Variants in KIAA0930 observed in about 807,000 individuals in gnomAD.
KIAA0930 encodes the protein KIAA0930.
Under a neutral mutation model 43.9 loss-of-function variants are expected in KIAA0930, and 24 were observed. The ratio of observed to expected loss-of-function variants is 0.55; its 90% CI spans 0.40 to 0.77. KIAA0930 has a LOEUF of 0.77. KIAA0930 is among the 30% of genes least tolerant of loss of function. The probability of loss-of-function intolerance (pLI) is 0.00; values close to 1 mark genes in which losing one functional copy is unlikely to be tolerated. For missense variants in KIAA0930, 461 were observed against 574.2 expected (o/e 0.80, Z 2.02); for synonymous variants, 259 against 216.4 (o/e 1.20, Z -1.73).
At chr22:45,205,352 C>A (rs1468695257) in intron 4 of KIAA0930, 34 bp from the exon 5 acceptor site, 3 of 1,570,010 alleles carry the variant, frequency 1.9e-6, no homozygotes, top group East Asian at 2.2e-5. Context: ...ACAAGTGAGG[C>A]CCCACCCGGC....
At chr22:45,210,732 C>A (rs2147747512) in intron 2 of KIAA0930, among the ~76,000 whole-genome samples, 1 of 68,476 alleles carries the variant, frequency 1.5e-5, no homozygotes, top group South Asian at 7.1e-4. Context: ...GCCTCCTCTT[C>A]ATCCCTCCCA....
chr22:45,199,973 T>C lies in KIAA0930; in HGVS notation c.915A>G (p.Pro305=). ...ERNNRPAFFS[P]SLKRKVPRNR... ...TCCGGGGCACCTTCCTCTTGAGGGA[T>C]GGGGAGAAGAAGGCAGGCCGGTTGT... Residue 305 remains proline, a synonymous_variant, in exon 8 of 10, where the codon CCA becomes CCG. Transcript: ENST00000336156. 1 of 1,608,782 alleles carries C rather than the reference T, an allele frequency of 6.2e-7. No homozygotes were observed. Among genetic ancestry groups the C allele is most frequent in the Non-Finnish European group, 8.5e-7 (1 of 1,177,334 alleles).
At position 45,197,947 on chromosome 22, in the gene KIAA0930, G is replaced by C. The variant is rs370540971; in HGVS notation, c.1017C>G (p.Ala339=). ...GCAGGTTGGTTGCATTGTGCAGATC[G>C]GCTGGAGGAAAGAAGGCCAGGTCAA... ...EEFFREDDGG[A]DLHNATNLRS... is the part of the protein sequence containing the mutation. Residue 339 remains alanine, a splice_region_variant and synonymous_variant, in exon 9 of 10, where the codon GCC becomes GCG. Coordinates refer to ENST00000336156, the MANE Select transcript of KIAA0930 (RefSeq NM_001009880.2). The C allele has an allele frequency of 6.2e-7, 1 of 1,613,532 alleles. No homozygotes were observed. The highest frequency in any genetic ancestry group is 1.1e-5 in the South Asian group (1 of 91,052).
At chr22:45,209,231 G>A (rs1367826414) in intron 2 of KIAA0930, among the ~76,000 whole-genome samples, 3 of 152,176 alleles carry the variant, frequency 2.0e-5, no homozygotes, top group South Asian at 2.1e-4. Context: ...GGGAGGGGGC[G>A]GGAAGTAGCC....
chr22:45,238,039 G>A (rs1020160893), intron 1 of KIAA0930, among the ~76,000 whole-genome samples: 2 of 151,642 alleles, frequency 1.3e-5, no homozygotes, highest in Non-Finnish European at 2.9e-5. Context: ...TCTTGTCTCA[G>A]CCTCCTGAGT....
chr22:45,218,831 A>G (rs745675991), intron 1 of KIAA0930, among the ~76,000 whole-genome samples: 4 of 151,842 alleles, frequency 2.6e-5, no homozygotes, highest in East Asian at 1.9e-4. Context: ...CCCTCCCCCA[A>G]CTTCTGAGTC....
chr22:45,215,484 A>T (rs1272114600), intron 1 of KIAA0930, among the ~76,000 whole-genome samples: 1 of 152,250 alleles, frequency 6.6e-6, no homozygotes, highest in Non-Finnish European at 1.5e-5. Context: ...TGTGTTACTC[A>T]TGAGAAAAAA....
intron 1 of KIAA0930, among the ~76,000 whole-genome samples, chr22:45,233,596 G>C (rs547635253): frequency 1.3e-5 from 2 of 152,248 alleles, no homozygotes; most frequent in Non-Finnish European, 2.9e-5. Context: ...GTGCCCACCC[G>C]GGTGGCAGGA....
At position 45,199,997 on chromosome 22, in the gene KIAA0930, G is replaced by A. The variant is rs2083572971; in HGVS notation, c.891C>T (p.Asn297=). 1.2e-6 allele frequency: 2 copies of A among 1,607,072 alleles called. No individual in the cohort carries two copies. The highest frequency in any genetic ancestry group is 1.7e-4 in the Middle Eastern group (1 of 6,048). ...SFSTPPTPER[N]NRPAFFSPSL... ...ATGGGGAGAAGAAGGCAGGCCGGTT[G>A]TTCCGTTCTGGGGTGGGGGGTGTGC... Residue 297 remains asparagine (N), a synonymous_variant, in exon 8 of 10, where the codon AAC becomes AAT. Transcript: ENST00000336156.
intron 1 of KIAA0930, chr22:45,213,503 G>A (rs1013744330): frequency 4.5e-5 from 53 of 1,187,744 alleles, no homozygotes; most frequent in Middle Eastern, 3.4e-4. Flanking sequence ...AACGAAACAC[G>A]CGTGCTGTCT....
intron 7 of KIAA0930, chr22:45,200,916 C>T (rs371802380): frequency 4.0e-5 from 19 of 478,140 alleles, no homozygotes; most frequent in African/African-American, 1.2e-4. Flanking sequence ...GAGGAGATGC[C>T]GCTGGAGCTG....
intron 2 of KIAA0930, among the ~76,000 whole-genome samples, 184 bp downstream of exon 2, chr22:45,211,772 C>A (rs759278438): frequency 5.3e-5 from 8 of 152,194 alleles, no homozygotes; most frequent in Non-Finnish European, 8.8e-5. Flanking sequence ...AGACACCCAG[C>A]ACATCCAGAT....
intron 1 of KIAA0930, among the ~76,000 whole-genome samples, chr22:45,237,924 CT>C (rs35293203): frequency 0.31 from 44,248 of 143,430 alleles, 7,190 homozygotes; most frequent in African/African-American, 0.45. Flanking sequence ...AAAATGAGCC[CT>C]TTTTTTTTTT....
At chr22:45,218,399 G>C (rs962957811) in intron 1 of KIAA0930, among the ~76,000 whole-genome samples, 1 of 127,262 alleles carries the variant, frequency 7.9e-6, no homozygotes, top group African/African-American at 3.2e-5. Context: ...GGCCAGGCTG[G>C]TCTCAAACTC....
At chr22:45,226,187 C>G (rs1276642354) in intron 1 of KIAA0930, 2 of 457,942 alleles carry the variant, frequency 4.4e-6, no homozygotes, top group Admixed American at 4.8e-5. Flanking sequence ...TATTCATGGG[C>G]CTGTCTTAGA....
intron 1 of KIAA0930, among the ~76,000 whole-genome samples, chr22:45,214,828 G>T (rs1187300129): frequency 1.3e-5 from 2 of 152,178 alleles, no homozygotes; most frequent in African/African-American, 4.8e-5. Flanking sequence ...AGGATCACTT[G>T]AGCCCAGGAG....
At chr22:45,208,600 G>T (rs992582216) in intron 2 of KIAA0930, among the ~76,000 whole-genome samples, 2 of 152,180 alleles carry the variant, frequency 1.3e-5, no homozygotes, top group African/African-American at 4.8e-5. Flanking sequence ...TGCCCAGGGG[G>T]AGGTTGAGCC....
chr22:45,196,994 C>T lies in KIAA0930; in HGVS notation c.*182G>A. 1 of 555,754 alleles carries T rather than the reference C, an allele frequency of 1.8e-6. No individual in the cohort carries two copies. The highest frequency in any genetic ancestry group is 3.2e-6 in the Non-Finnish European group (1 of 315,004). The allele number at this position is 555,754 out of a possible 1,614,324, so 34.4% of individuals were successfully genotyped here. ...CAGCGCCAGCAGGGGAGGGAAGAGG[C>T]ACTTCAGTTTGGGCTGGTGTTCGTG... On this transcript the variant is annotated 3_prime_UTR_variant, in exon 10 of 10. Coordinates refer to ENST00000336156, the MANE Select transcript of KIAA0930 (RefSeq NM_001009880.2). This position sits in a 1 kb window ranked among gnomAD's most constrained non-coding sequence, Gnocchi z 4.1.
intron 1 of KIAA0930, among the ~76,000 whole-genome samples, chr22:45,227,269 C>T (rs1440584637): frequency 6.6e-6 from 1 of 152,182 alleles, no homozygotes; most frequent in South Asian, 2.1e-4. Context: ...GTCCCCTGCT[C>T]GATCTCATGC....
Sources: allele counts gnomAD v4.1 joint callset (sites outside exome capture counted in the v4.1 genomes callset), GRCh38; gene constraint gnomAD v4.1.1; non-coding constraint Gnocchi (gnomAD v3.1); transcripts MANE v1.5; gene names NCBI Gene and HGNC (gene_info 2026-07-23, HGNC 2026-07-21).